The following NF2 variants were observed in gnomAD, a reference collection of about 807,000 sequenced individuals.
NF2 encodes NF2, moesin-ezrin-radixin like (MERLIN) tumor suppressor.
A neutral mutation model predicts 83.7 loss-of-function variants in NF2; 8 were observed. The observed-to-expected ratio is 0.10, with a 90% CI of 0.06 to 0.17. NF2 has a LOEUF of 0.17. NF2 is among the 10% of genes least tolerant of loss of function. The pLI is 1.00. For synonymous variants in NF2, 266 were observed against 269.6 expected (o/e 0.99, Z 0.13); for missense variants, 533 against 744.4 (o/e 0.72, Z 3.31).
chr22:29,619,192 GTGCCAACACGCCC>G (rs1320563254), intron 1 of NF2, among the ~76,000 whole-genome samples: 1 of 151,898 alleles, frequency 6.6e-6, no homozygotes, highest in Non-Finnish European at 1.5e-5. Flanking sequence ...ATACAGGCAT[GTGCCAACACGCCC>G]TGCTAATTTT....
intron 10 of NF2, among the ~76,000 whole-genome samples, chr22:29,669,786 T>A (rs981929090): frequency 6.6e-6 from 1 of 152,204 alleles, no homozygotes; most frequent in Non-Finnish European, 1.5e-5. Flanking sequence ...ATCTGAAATT[T>A]AGAATGTGAG....
At chr22:29,674,455 G>A (rs186562222) in intron 12 of NF2, among the ~76,000 whole-genome samples, 3 of 152,266 alleles carry the variant, frequency 2.0e-5, no homozygotes, top group South Asian at 2.1e-4. Flanking sequence ...TGCCCTTTGC[G>A]ATCCAATATA....
intron 14 of NF2, among the ~76,000 whole-genome samples, chr22:29,680,750 CA>C (rs1379432721): frequency 6.6e-6 from 1 of 151,970 alleles, no homozygotes; most frequent in Non-Finnish European, 1.5e-5. Flanking sequence ...TGTGGCCTAT[CA>C]AAAGAGATCA....
intron 1 of NF2, among the ~76,000 whole-genome samples, chr22:29,607,943 C>T (rs1020149676): frequency 2.6e-5 from 4 of 151,792 alleles, no homozygotes; most frequent in East Asian, 3.9e-4. Context: ...GAGGCTGAGG[C>T]GGGCGGATCA....
intron 1 of NF2, among the ~76,000 whole-genome samples, chr22:29,611,452 G>A (rs1455004935): frequency 2.0e-5 from 3 of 152,142 alleles, no homozygotes; most frequent in Non-Finnish European, 2.9e-5. Context: ...GCTTGAACCT[G>A]GGAGGCAGAG....
At chr22:29,679,099 T>G (rs2067053206) in intron 14 of NF2, among the ~76,000 whole-genome samples, 1 of 152,172 alleles carries the variant, frequency 6.6e-6, no homozygotes, top group Non-Finnish European at 1.5e-5. Flanking sequence ...AACATCAAAA[T>G]GACATCAAAG....
intron 1 of NF2, among the ~76,000 whole-genome samples, chr22:29,622,481 T>C (rs557877418): frequency 6.6e-6 from 1 of 152,260 alleles, no homozygotes; most frequent in Admixed American, 6.5e-5. Context: ...TGGTGTCTTA[T>C]AATATTTGGT....
At chr22:29,614,344 C>T (rs906059296) in intron 1 of NF2, among the ~76,000 whole-genome samples, 2 of 151,748 alleles carry the variant, frequency 1.3e-5, no homozygotes, top group African/African-American at 2.4e-5. Context: ...TTCGGGAGGC[C>T]GAGGTGGGTG....
intron 11 of NF2, 134 bp downstream of exon 11, chr22:29,672,082 G>A (rs2066810989): frequency 2.2e-6 from 3 of 1,350,126 alleles, no homozygotes; most frequent in East Asian, 2.3e-5. Context: ...GAAAAAATCA[G>A]TGCCTTTTCT....
intron 9 of NF2, 39 bp downstream of exon 9, chr22:29,665,103 G>C: frequency 6.9e-7 from 1 of 1,457,154 alleles, no homozygotes; most frequent in African/African-American, 1.4e-5. Context: ...GATAATGGTA[G>C]CTTTTCTGAG....
chr22:29,685,433 G>GTTTGT (rs1556005223), intron 15 of NF2, among the ~76,000 whole-genome samples: 2 of 151,036 alleles, frequency 1.3e-5, no homozygotes, highest in Non-Finnish European at 3.0e-5. Flanking sequence ...AAGGTTTTTT[G>GTTTGT]TTTGTTTTGT....
chr22:29,677,096 T>C (rs1373282326), intron 13 of NF2, among the ~76,000 whole-genome samples: 1 of 138,368 alleles, frequency 7.2e-6, no homozygotes, highest in Non-Finnish European at 1.7e-5. Context: ...CTAGACTCAA[T>C]ACGGGATCCA....
At chr22:29,649,530 C>G (rs1477903379) in intron 4 of NF2, among the ~76,000 whole-genome samples, 2 of 152,086 alleles carry the variant, frequency 1.3e-5, no homozygotes, top group Non-Finnish European at 2.9e-5. Context: ...AGCGAGACCC[C>G]TTTCTCCAGA....
rs772190428 is a variant in NF2 at position 29,671,803 on chromosome 22, C to G, written c.1000-23C>G. On this transcript the variant is annotated intron_variant, in intron 10 of 15. Coordinates refer to ENST00000338641, the MANE Select transcript of NF2 (RefSeq NM_000268.4). ...GGTCTCGAGCCCTGTGATTCAATGA[C>G]TGTTTTTCTTCACCCCTCGCAGATG... 4 of 1,613,786 alleles carry G rather than the reference C, an allele frequency of 2.5e-6. No individual in the cohort carries two copies. In the East Asian group the frequency reaches 8.9e-5, roughly 36 times the overall value.
chr22:29,633,593 T>C (rs897788811), intron 1 of NF2, among the ~76,000 whole-genome samples: 1 of 152,198 alleles, frequency 6.6e-6, no homozygotes, highest in African/African-American at 2.4e-5. Context: ...AGCCTATGAC[T>C]CGTCTGCTCA....
chr22:29,649,779 CAA>C (rs567321314), intron 4 of NF2, among the ~76,000 whole-genome samples: 10 of 95,730 alleles, frequency 1.0e-4, no homozygotes, highest in Non-Finnish European at 1.4e-4. Context: ...GCCACTGGTA[CAA>C]AAAAAAAAAA....
chr22:29,669,998 TA>T (rs546540159), intron 10 of NF2, among the ~76,000 whole-genome samples: 157 of 152,172 alleles, frequency 1.0e-3, no homozygotes, highest in Non-Finnish European at 2.4e-4. Context: ...TGAAGGAGAT[TA>T]CCTGGCTTTT....
chr22:29,659,647 G>T (rs576131030), intron 7 of NF2, among the ~76,000 whole-genome samples: 1 of 152,270 alleles, frequency 6.6e-6, no homozygotes, highest in African/African-American at 2.4e-5. Context: ...TTTAAAAGGG[G>T]CTGCTTGAGT....
chr22:29,603,873 A>C lies in NF2; in HGVS notation c.-126A>C. ...GCCGCTGGGGACCCGCGCAGCCCAG[A>C]CCGTTCCCGGGCCGGGCAGCCGGCC... On this transcript the variant is annotated 5_prime_UTR_variant, in exon 1 of 16. Transcript: ENST00000338641. The C allele has an allele frequency of 1.4e-6, 1 of 710,110 alleles. No individual in the cohort carries two copies. The highest frequency in any genetic ancestry group is 2.7e-5 in the Admixed American group (1 of 37,188). The allele number at this position is 710,110 out of a possible 1,614,324, so 44.0% of individuals were successfully genotyped here.
Sources: allele counts gnomAD v4.1 joint callset (sites outside exome capture counted in the v4.1 genomes callset), GRCh38; gene constraint gnomAD v4.1.1; transcripts MANE v1.5; gene names NCBI Gene and HGNC (gene_info 2026-07-23, HGNC 2026-07-21).